The following POFUT3 variants were observed in gnomAD, a reference collection of about 807,000 sequenced individuals.
POFUT3 encodes the protein GDP-fucose protein O-fucosyltransferase 3.
the POFUT3 span, among the ~76,000 whole-genome samples, chr8:33,417,687 G>A: frequency 6.6e-6 from 1 of 152,106 alleles, no homozygotes; most frequent in African/African-American, 2.4e-5. Context: ...CTTCAAGAAG[G>A]CTGAATAAGA....
At chr8:33,415,855 G>A in the POFUT3 span, among the ~76,000 whole-genome samples, 1 of 152,164 alleles carries the variant, frequency 6.6e-6, no homozygotes, top group African/African-American at 2.4e-5. Context: ...GGAAAAAAGC[G>A]GGTTTAATCA....
At chr8:33,452,561 G>T in the POFUT3 span, 1 of 146,682 alleles carries the variant, frequency 6.8e-6, no homozygotes, top group Non-Finnish European at 1.5e-5. Flanking sequence ...GTTGTACCAC[G>T]GTCAACGTTT....
At chr8:33,437,818 G>GA in the POFUT3 span, among the ~76,000 whole-genome samples, 386 of 145,706 alleles carry the variant, frequency 2.6e-3, 1 homozygote, top group African/African-American at 4.6e-3. Flanking sequence ...TCAAAAAAGA[G>GA]AAAAAAAAAA....
At chr8:33,338,582 T>C in the POFUT3 span, among the ~76,000 whole-genome samples, 1 of 152,166 alleles carries the variant, frequency 6.6e-6, no homozygotes, top group East Asian at 1.9e-4. Context: ...GGAGAGGTTT[T>C]AGAAGAGGTC....
chr8:33,352,168 G>A, the POFUT3 span, among the ~76,000 whole-genome samples: 1 of 152,148 alleles, frequency 6.6e-6, no homozygotes, highest in Non-Finnish European at 1.5e-5. Context: ...TGCTTTCTGT[G>A]TCTAGTATTC....
the POFUT3 span, among the ~76,000 whole-genome samples, chr8:33,434,192 C>T: frequency 1.3e-5 from 2 of 151,564 alleles, no homozygotes; most frequent in Non-Finnish European, 2.9e-5. Flanking sequence ...ACTTGGGAGG[C>T]AGAGGTTGCA....
chr8:33,381,479 G>A, the POFUT3 span, among the ~76,000 whole-genome samples: 3,222 of 152,248 alleles, frequency 0.021, 115 homozygotes, highest in African/African-American at 0.074. Flanking sequence ...GGAAGTATAA[G>A]ATCTTACCCT....
At chr8:33,376,365 T>C in the POFUT3 span, among the ~76,000 whole-genome samples, 1 of 152,182 alleles carries the variant, frequency 6.6e-6, no homozygotes, top group African/African-American at 2.4e-5. Context: ...TGGCTCAACA[T>C]ATTTTCTTTT....
the POFUT3 span, among the ~76,000 whole-genome samples, chr8:33,464,015 C>T: frequency 6.6e-6 from 1 of 152,132 alleles, no homozygotes; most frequent in Admixed American, 6.6e-5. Context: ...AATCCCAATT[C>T]CCCAGCTGGC....
chr8:33,457,848 C>T, the POFUT3 span, among the ~76,000 whole-genome samples: 4 of 151,956 alleles, frequency 2.6e-5, no homozygotes, highest in Non-Finnish European at 5.9e-5. Flanking sequence ...GAATGGAAAA[C>T]AATGTCTAAG....
the POFUT3 span, among the ~76,000 whole-genome samples, chr8:33,364,744 A>G: frequency 3.3e-5 from 5 of 152,220 alleles, no homozygotes; most frequent in African/African-American, 1.2e-4. Context: ...ACTACAAACC[A>G]CTGCTCAATG....
At chr8:33,370,476 C>T in the POFUT3 span, among the ~76,000 whole-genome samples, 2 of 152,166 alleles carry the variant, frequency 1.3e-5, no homozygotes, top group East Asian at 1.9e-4. Context: ...CTGTGAGGGA[C>T]GTTGCTTTCT....
At chr8:33,346,297 G>A in the POFUT3 span, among the ~76,000 whole-genome samples, 1 of 152,092 alleles carries the variant, frequency 6.6e-6, no homozygotes, top group African/African-American at 2.4e-5. Context: ...ATTATCTGAG[G>A]GTTTGGTTTA....
At chr8:33,357,093 C>G in the POFUT3 span, among the ~76,000 whole-genome samples, 5 of 151,938 alleles carry the variant, frequency 3.3e-5, no homozygotes, top group Non-Finnish European at 7.4e-5. Flanking sequence ...TATAGTTTGA[C>G]GTCAGGTAGC....
the POFUT3 span, among the ~76,000 whole-genome samples, chr8:33,378,673 G>A: frequency 6.6e-6 from 1 of 152,140 alleles, no homozygotes; most frequent in African/African-American, 2.4e-5. Context: ...CCTCATCTGT[G>A]GCATAGCAAT....
At chr8:33,358,259 AAAT>A in the POFUT3 span, among the ~76,000 whole-genome samples, 1 of 152,174 alleles carries the variant, frequency 6.6e-6, no homozygotes, top group Non-Finnish European at 1.5e-5. Flanking sequence ...TCTCAAAAAT[AAAT>A]AATAAATAAA....
At chr8:33,445,671 T>C in the POFUT3 span, among the ~76,000 whole-genome samples, 1 of 152,054 alleles carries the variant, frequency 6.6e-6, no homozygotes, top group Admixed American at 6.6e-5. Flanking sequence ...GAACTGAATG[T>C]TGAGATGGAA....
chr8:33,400,474 A>T, the POFUT3 span, among the ~76,000 whole-genome samples: 1 of 151,914 alleles, frequency 6.6e-6, no homozygotes, highest in Admixed American at 6.6e-5. Context: ...TAAATAAATA[A>T]AAATAAAATA....
At chr8:33,457,651 G>C in the POFUT3 span, among the ~76,000 whole-genome samples, 1 of 152,028 alleles carries the variant, frequency 6.6e-6, no homozygotes, top group Non-Finnish European at 1.5e-5. Context: ...AAAGTTCCTA[G>C]CTCCAAAGTG....
Sources: allele counts gnomAD v4.1 joint callset (sites outside exome capture counted in the v4.1 genomes callset), GRCh38; gene constraint gnomAD v4.1.1; transcripts MANE v1.5; gene names NCBI Gene and HGNC (gene_info 2026-07-23, HGNC 2026-07-21).